MARCHF4: variants seen among roughly 807,000 people sequenced by gnomAD.
MARCHF4 encodes membrane associated ring-CH-type finger 4.
In MARCHF4, 14 loss-of-function variants were observed where a neutral mutation model predicts 43.9. The ratio of observed to expected loss-of-function variants is 0.32; its 90% CI spans 0.21 to 0.50. The LOEUF is 0.50. Ranked by LOEUF, MARCHF4 falls within the 20% of genes least tolerant of loss-of-function variation. MARCHF4 has a pLI of 0.98. For synonymous variants in MARCHF4, 226 were observed against 213.3 expected, an observed-to-expected ratio of 1.06 and a Z score of -0.52; for missense variants, 468 against 536.7, an observed-to-expected ratio of 0.87 and a Z score of 1.27.
At chr2:216,275,539 A>T (rs1188838052) in intron 3 of MARCHF4, among the ~76,000 whole-genome samples, 2 of 152,240 alleles carry the variant, frequency 1.3e-5, no homozygotes, top group Middle Eastern at 3.2e-3. Flanking sequence ...TTTTAATCCC[A>T]GATAAGAACC....
chr2:216,317,041 A>G (rs1691789089), intron 1 of MARCHF4, among the ~76,000 whole-genome samples: 1 of 152,142 alleles, frequency 6.6e-6, no homozygotes, highest in African/African-American at 2.4e-5. Context: ...ACCTTCTCCA[A>G]CCTTCTAACC....
chr2:216,259,956 A>G (rs1277482373), intron 3 of MARCHF4, among the ~76,000 whole-genome samples: 1 of 152,120 alleles, frequency 6.6e-6, no homozygotes, highest in East Asian at 1.9e-4. Flanking sequence ...ACAAAATCCA[A>G]ATTCATCCAC....
intron 3 of MARCHF4, among the ~76,000 whole-genome samples, chr2:216,264,450 A>T (rs769344696): frequency 1.3e-5 from 2 of 152,180 alleles, no homozygotes; most frequent in South Asian, 4.1e-4. Flanking sequence ...CAATCTTTTG[A>T]ATGTGTACCT....
chr2:216,360,330 G>A (rs955232015), intron 1 of MARCHF4, among the ~76,000 whole-genome samples: 9 of 151,764 alleles, frequency 5.9e-5, no homozygotes, highest in Admixed American at 1.3e-4. Context: ...TTATTTCTAA[G>A]GGAGACTTTT....
chr2:216,362,813 T>C (rs1217819772), intron 1 of MARCHF4, among the ~76,000 whole-genome samples: 3 of 152,184 alleles, frequency 2.0e-5, no homozygotes, highest in Non-Finnish European at 4.4e-5. Context: ...GAAGGAGGTA[T>C]CAAATGTGTA....
chr2:216,351,052 G>A (rs975268552), intron 1 of MARCHF4, among the ~76,000 whole-genome samples: 1 of 152,140 alleles, frequency 6.6e-6, no homozygotes, highest in African/African-American at 2.4e-5. Flanking sequence ...AGGGGAAAGG[G>A]ATAATAATCT....
chr2:216,372,186 A>G lies in MARCHF4; in HGVS notation c.-1926T>C, dbSNP rs1297327159. ...TTGCTCAGCACCCGCCGCTGCCCCC[A>G]CTGGCTCGATTCCCAAAGGGGTGGT... On this transcript the variant is annotated 5_prime_UTR_variant, in exon 1 of 4. Coordinates refer to ENST00000273067, the MANE Select transcript of MARCHF4 (RefSeq NM_020814.3). Among the ~76,000 whole-genome samples, 4 of 152,114 alleles carry G rather than the reference A, an allele frequency of 2.6e-5. No individual in the cohort carries two copies. Among genetic ancestry groups the G allele is most frequent in the African/African-American group, 9.7e-5 (4 of 41,422 alleles).
intron 1 of MARCHF4, among the ~76,000 whole-genome samples, chr2:216,368,637 C>A (rs1270552308): frequency 6.6e-6 from 1 of 152,232 alleles, no homozygotes; most frequent in Non-Finnish European, 1.5e-5. Context: ...GGCATGGCAT[C>A]CTACTGCACT....
At chr2:216,280,415 T>C (rs1691109541) in intron 2 of MARCHF4, among the ~76,000 whole-genome samples, 1 of 152,102 alleles carries the variant, frequency 6.6e-6, no homozygotes, top group African/African-American at 2.4e-5. Flanking sequence ...CCGATCCTGA[T>C]TGGGTTCCGC....
At chr2:216,301,638 T>G (rs899874120) in intron 1 of MARCHF4, among the ~76,000 whole-genome samples, 3 of 152,230 alleles carry the variant, frequency 2.0e-5, no homozygotes, top group Non-Finnish European at 4.4e-5. Flanking sequence ...AATGAGTATG[T>G]CCTTTCTGCC....
intron 1 of MARCHF4, among the ~76,000 whole-genome samples, chr2:216,356,804 C>A (rs1462918787): frequency 6.6e-6 from 1 of 152,112 alleles, no homozygotes; most frequent in Non-Finnish European, 1.5e-5. Flanking sequence ...GGGTGGATCA[C>A]TTGAGGTCAG....
chr2:216,290,692 A>G (rs1691294070), intron 1 of MARCHF4, among the ~76,000 whole-genome samples: 1 of 152,176 alleles, frequency 6.6e-6, no homozygotes, highest in African/African-American at 2.4e-5. Flanking sequence ...GTAGCAGAGG[A>G]AGTCCTGAGA....
intron 1 of MARCHF4, among the ~76,000 whole-genome samples, chr2:216,347,292 T>C (rs1378146754): frequency 6.6e-6 from 1 of 152,166 alleles, no homozygotes; most frequent in African/African-American, 2.4e-5. Flanking sequence ...TTAAAGCCAA[T>C]TTTGAGAAGC....
At chr2:216,348,783 C>A (rs1236864355) in intron 1 of MARCHF4, among the ~76,000 whole-genome samples, 1 of 152,024 alleles carries the variant, frequency 6.6e-6, no homozygotes, top group Non-Finnish European at 1.5e-5. Context: ...GGATCAGGAC[C>A]CTTTGCCTGT....
Position 216,259,053 on chromosome 2 carries a change from A to C in MARCHF4, c.*259T>G. ...TGGGGCAGGGTTTTTCTGTTGGGCC[A>C]GGTTCAGCCTGTATTGCACTTTGTT... On this transcript the variant is annotated 3_prime_UTR_variant, in exon 4 of 4. Transcript: ENST00000273067. The C allele has an allele frequency of 3.1e-6, 1 of 323,900 alleles. No homozygotes were observed. Among genetic ancestry groups the C allele is most frequent in the East Asian group, 5.0e-5 (1 of 20,112 alleles). 20.1% of individuals were successfully genotyped at this position (323,900 alleles called of 1,614,324 possible).
intron 1 of MARCHF4, among the ~76,000 whole-genome samples, chr2:216,366,185 A>G (rs1359041546): frequency 6.6e-6 from 1 of 152,216 alleles, no homozygotes; most frequent in Non-Finnish European, 1.5e-5. Flanking sequence ...CATGGGGACT[A>G]TTATTATTAT....
chr2:216,283,432 G>A (rs1049591858), intron 2 of MARCHF4, 142 bp downstream of exon 2: 24 of 908,000 alleles, frequency 2.6e-5, no homozygotes, highest in Middle Eastern at 2.7e-4. Context: ...GCCCCACGCC[G>A]CCCACCGTGC....
intron 3 of MARCHF4, chr2:216,266,023 A>G (rs1051438858): frequency 2.0e-5 from 3 of 152,216 alleles, no homozygotes; most frequent in Non-Finnish European, 4.4e-5. Flanking sequence ...AAAACTTATT[A>G]TAAGTAATTT....
At chr2:216,328,665 G>C (rs966920092) in intron 1 of MARCHF4, among the ~76,000 whole-genome samples, 3 of 152,128 alleles carry the variant, frequency 2.0e-5, no homozygotes, top group African/African-American at 7.2e-5. Context: ...GAGTAAATCT[G>C]GTATAAATGC....
Sources: gnomAD v4.1 joint callset for allele counts (sites outside exome capture counted in the v4.1 genomes callset) on GRCh38, gnomAD v4.1.1 for gene constraint, MANE v1.5 for transcripts, NCBI Gene and HGNC (gene_info 2026-07-23, HGNC 2026-07-21) for gene names.